R3HCC1L: variants seen among roughly 807,000 people sequenced by gnomAD.
R3HCC1L encodes coiled-coil domain-containing protein R3HCC1L.
In R3HCC1L, 51 loss-of-function variants were observed where a neutral mutation model predicts 59.9. The observed-to-expected ratio is 0.85, with a 90% CI of 0.68 to 1.07. The LOEUF is 1.07. Among genes scored for constraint, R3HCC1L ranks in the 50% least tolerant of loss-of-function variants. The pLI is 0.00. For missense variants in R3HCC1L, 965 were observed against 933.0 expected, an observed-to-expected ratio of 1.03 and a Z score of -0.45; for synonymous variants, 322 against 315.2, an observed-to-expected ratio of 1.02 and a Z score of -0.23.
At chr10:98,234,982 A>G (rs954497138) in intron 7 of R3HCC1L, among the ~76,000 whole-genome samples, 3 of 152,220 alleles carry the variant, frequency 2.0e-5, no homozygotes, top group Non-Finnish European at 4.4e-5. Flanking sequence ...CAAAGAAAAT[A>G]GAGATATTGA....
chr10:98,134,793 C>A (rs1844366378), intron 1 of R3HCC1L, 87 bp downstream of exon 1: 2 of 152,302 alleles, frequency 1.3e-5, no homozygotes, highest in African/African-American at 4.8e-5. Flanking sequence ...CGGGACAAGA[C>A]TTCCATTCCG....
intron 5 of R3HCC1L, among the ~76,000 whole-genome samples, chr10:98,217,785 A>G (rs896293906): frequency 6.6e-6 from 1 of 151,446 alleles, no homozygotes; most frequent in Non-Finnish European, 1.5e-5. Context: ...TGTTTTTATT[A>G]TAAATGGGAT....
chr10:98,208,706 T>C lies in R3HCC1L; in HGVS notation c.592T>C (p.Phe198Leu). The C allele has an allele frequency of 6.2e-7, 1 of 1,614,134 alleles. No individual in the cohort carries two copies. The highest frequency in any genetic ancestry group is 8.5e-7 in the Non-Finnish European group (1 of 1,180,012). ...FSRHEPDGEA[F>L]EDKDLEGRIE... ...TAGGCATGAACCTGATGGGGAAGCA[T>C]TTGAAGACAAAGATTTGGAAGGCAG... Residue 198 changes from phenylalanine to leucine, a missense_variant, in exon 5 of 10, where the codon TTT (phenylalanine) becomes CTT (leucine). By Grantham distance (22) the Phe-to-Leu change is conservative. Transcript: ENST00000298999.
intron 4 of R3HCC1L, among the ~76,000 whole-genome samples, chr10:98,168,142 T>C (rs141074711): frequency 3.9e-5 from 6 of 152,170 alleles, no homozygotes; most frequent in African/African-American, 1.4e-4. Context: ...TTTTCTTCTC[T>C]CCCTGCCCCC....
At chr10:98,162,743 G>C (rs573399188) in intron 2 of R3HCC1L, 140 bp from the exon 3 acceptor site, 4 of 152,422 alleles carry the variant, frequency 2.6e-5, no homozygotes, top group Non-Finnish European at 5.9e-5. Context: ...TGTCACCCAG[G>C]TTGGAGTGCA....
chr10:98,176,649 A>G (rs748565454), intron 4 of R3HCC1L, among the ~76,000 whole-genome samples: 14 of 152,184 alleles, frequency 9.2e-5, no homozygotes, highest in Non-Finnish European at 1.9e-4. Context: ...TCATCTGCAG[A>G]TAAAGACAGT....
chr10:98,211,300 TTTTC>T, intron 5 of R3HCC1L: 1 of 1,502,612 alleles, frequency 6.7e-7, no homozygotes, highest in East Asian at 2.5e-5. Context: ...ATTTACAACT[TTTTC>T]AGGGGATTCT....
At chr10:98,154,261 A>T (rs1169848959) in intron 1 of R3HCC1L, among the ~76,000 whole-genome samples, 3 of 150,402 alleles carry the variant, frequency 2.0e-5, no homozygotes, top group Non-Finnish European at 4.4e-5. Flanking sequence ...CATGTGAGGC[A>T]TTGTGGGGAG....
In R3HCC1L at chr10:98,208,480, G is replaced by T; in HGVS notation, c.366G>T (p.Gln122His). 1 of 1,614,186 alleles carries T rather than the reference G, an allele frequency of 6.2e-7. No homozygotes were observed. The highest frequency in any genetic ancestry group is 8.5e-7 in the Non-Finnish European group (1 of 1,180,014). ...AAGAAGTATTATCCCAAGGACAACA[G>T]CAGGGAGCCCCAAATGCTGGGGTTA... ...ESKEVLSQGQ[Q>H]QGAPNAGVIT... The change falls in exon 5 of 10, where the codon CAG (glutamine) becomes CAT (histidine). Residue 122 changes from glutamine (Q) to histidine (H), a missense_variant. Transcript: ENST00000298999.
At chr10:98,136,283 TA>T (rs1474424136) in intron 1 of R3HCC1L, among the ~76,000 whole-genome samples, 1 of 152,200 alleles carries the variant, frequency 6.6e-6, no homozygotes, top group East Asian at 1.9e-4. Flanking sequence ...AGGATGACAG[TA>T]AGTTGCATTA....
At chr10:98,178,817 T>C (rs1849319987) in intron 4 of R3HCC1L, among the ~76,000 whole-genome samples, 1 of 152,208 alleles carries the variant, frequency 6.6e-6, no homozygotes, top group South Asian at 2.1e-4. Flanking sequence ...TTTATTCTCT[T>C]AGTAGCAATT....
At chr10:98,175,990 A>T (rs1320181391) in intron 4 of R3HCC1L, among the ~76,000 whole-genome samples, 1 of 152,150 alleles carries the variant, frequency 6.6e-6, no homozygotes, top group African/African-American at 2.4e-5. Flanking sequence ...TTTTTGTTGC[A>T]AATGAATTTC....
At chr10:98,207,367 T>G (rs1852810596) in intron 4 of R3HCC1L, among the ~76,000 whole-genome samples, 1 of 152,222 alleles carries the variant, frequency 6.6e-6, no homozygotes, top group Non-Finnish European at 1.5e-5. Flanking sequence ...TAAATTCCAT[T>G]GAGCAACCAT....
intron 4 of R3HCC1L, among the ~76,000 whole-genome samples, chr10:98,192,168 T>G (rs1301360922): frequency 1.3e-5 from 2 of 152,070 alleles, no homozygotes; most frequent in African/African-American, 2.4e-5. Flanking sequence ...GTCTGTTTAC[T>G]GTGTTATTAT....
chr10:98,237,966 G>A lies in R3HCC1L; in HGVS notation c.2269+1802G>A, dbSNP rs565070352. Among the ~76,000 whole-genome samples, 15 of 152,090 alleles carry A rather than the reference G, an allele frequency of 9.9e-5. 1 individual carries two copies. In the South Asian group the frequency reaches 1.0e-3, roughly 11 times the overall value. Reference sequence around the variant, plus strand: ...TTTACTGTCTGTGTGACCTTGAGAGGGTAGGTAAGTAACTTACTTACTTTC... The same window carrying A: ...TTTACTGTCTGTGTGACCTTGAGAGAGTAGGTAAGTAACTTACTTACTTTC... On this transcript the variant is annotated intron_variant, in intron 9 of 9. Transcript: ENST00000298999.
At chr10:98,192,555 T>G (rs1307483199) in intron 4 of R3HCC1L, among the ~76,000 whole-genome samples, 5 of 152,126 alleles carry the variant, frequency 3.3e-5, no homozygotes, top group African/African-American at 7.2e-5. Context: ...TGAAAGAAAC[T>G]GATAGATTTC....
At chr10:98,226,618 A>G (rs959134146) in intron 5 of R3HCC1L, among the ~76,000 whole-genome samples, 2 of 152,258 alleles carry the variant, frequency 1.3e-5, no homozygotes, top group African/African-American at 4.8e-5. Flanking sequence ...TGAAAAGAAC[A>G]AAGTTGGAGG....
intron 5 of R3HCC1L, among the ~76,000 whole-genome samples, chr10:98,226,882 G>A (rs1431431260): frequency 1.3e-5 from 2 of 152,190 alleles, no homozygotes; most frequent in African/African-American, 2.4e-5. Flanking sequence ...AGGCAAAACA[G>A]TTTATGTATT....
At chr10:98,152,078 G>A (rs992270154) in intron 1 of R3HCC1L, among the ~76,000 whole-genome samples, 1 of 152,146 alleles carries the variant, frequency 6.6e-6, no homozygotes, top group African/African-American at 2.4e-5. Context: ...TCAGCCTGCC[G>A]AGTGCCTGCG....
Sources: allele counts gnomAD v4.1 joint callset (sites outside exome capture counted in the v4.1 genomes callset), GRCh38; gene constraint gnomAD v4.1.1; transcripts MANE v1.5; gene names NCBI Gene and HGNC (gene_info 2026-07-23, HGNC 2026-07-21).